ADCY8: variants seen among roughly 807,000 people sequenced by gnomAD.
ADCY8 encodes adenylate cyclase type 8.
ADCY8 carries 51 observed loss-of-function variants against 119.7 expected under a neutral mutation model. That is an observed-to-expected ratio of 0.43 (90% CI 0.34 to 0.54). The LOEUF is 0.54. Among genes scored for constraint, ADCY8 ranks in the 20% least tolerant of loss-of-function variants. The pLI is 0.03. For synonymous variants in ADCY8, 665 were observed against 651.0 expected (o/e 1.02, Z -0.33); for missense variants, 1,383 against 1,598.8 (o/e 0.87, Z 2.30).
chr8:130,894,254 A>G (rs1436540557), intron 7 of ADCY8, among the ~76,000 whole-genome samples: 1 of 152,170 alleles, frequency 6.6e-6, no homozygotes, highest in Non-Finnish European at 1.5e-5. Flanking sequence ...TTAGAGCTAC[A>G]TTGCTACCTC....
intron 15 of ADCY8, among the ~76,000 whole-genome samples, chr8:130,794,265 G>A (rs1055993664): frequency 6.6e-6 from 1 of 152,174 alleles, no homozygotes; most frequent in Non-Finnish European, 1.5e-5. Context: ...TTTGTTTTGA[G>A]ACAGAGTCTT....
intron 14 of ADCY8, among the ~76,000 whole-genome samples, chr8:130,808,665 G>T (rs1413690521): frequency 6.6e-6 from 1 of 152,192 alleles, no homozygotes; most frequent in African/African-American, 2.4e-5. Context: ...TAATGAAGCT[G>T]CCTGGCACCG....
chr8:130,965,028 T>A (rs1821721424), intron 2 of ADCY8, among the ~76,000 whole-genome samples: 1 of 152,202 alleles, frequency 6.6e-6, no homozygotes, highest in Non-Finnish European at 1.5e-5. Context: ...TTATTTGGTT[T>A]ATGCTTGTGG....
chr8:130,782,464 T>C (rs1313559297), intron 17 of ADCY8, among the ~76,000 whole-genome samples: 3 of 152,124 alleles, frequency 2.0e-5, no homozygotes, highest in Admixed American at 6.5e-5. Context: ...AAAACACAAA[T>C]TGAGATGCTT....
At chr8:130,794,103 G>T (rs540543575) in intron 15 of ADCY8, among the ~76,000 whole-genome samples, 5 of 152,166 alleles carry the variant, frequency 3.3e-5, no homozygotes, top group Non-Finnish European at 7.3e-5. Context: ...GCCACGGTCA[G>T]CCAGCCACCA....
At chr8:130,866,423 A>G (rs969633149) in intron 9 of ADCY8, among the ~76,000 whole-genome samples, 6 of 152,170 alleles carry the variant, frequency 3.9e-5, no homozygotes, top group Non-Finnish European at 5.9e-5. Context: ...AGTCTTTAAC[A>G]TAGTTATGAA....
At chr8:130,831,616 T>G (rs752814426) in intron 12 of ADCY8, among the ~76,000 whole-genome samples, 1 of 152,212 alleles carries the variant, frequency 6.6e-6, no homozygotes, top group Non-Finnish European at 1.5e-5. Flanking sequence ...CTATAAATGT[T>G]GACCTGTGTA....
chr8:130,870,106 T>TG (rs1176829744), intron 8 of ADCY8, among the ~76,000 whole-genome samples: 1 of 150,894 alleles, frequency 6.6e-6, no homozygotes, highest in African/African-American at 2.4e-5. Flanking sequence ...CTCTGTCTCC[T>TG]GGGTTCAAGT....
intron 2 of ADCY8, among the ~76,000 whole-genome samples, chr8:130,982,387 C>T (rs1431091476): frequency 3.3e-5 from 5 of 152,110 alleles, no homozygotes; most frequent in Admixed American, 6.6e-5. Flanking sequence ...ATAAGGGGGG[C>T]GGGGCATCTG....
intron 5 of ADCY8, among the ~76,000 whole-genome samples, chr8:130,913,790 T>C (rs1820049674): frequency 1.3e-5 from 2 of 152,232 alleles, no homozygotes; most frequent in African/African-American, 4.8e-5. Flanking sequence ...TGAGTCCCAA[T>C]TGATGTTTTC....
chr8:130,829,820 T>C (rs1337024398), intron 12 of ADCY8, among the ~76,000 whole-genome samples: 1 of 152,252 alleles, frequency 6.6e-6, no homozygotes, highest in Non-Finnish European at 1.5e-5. Context: ...AAAGGAATGT[T>C]ACTTCTATAT....
At chr8:130,868,123 G>C (rs1563701912) in intron 8 of ADCY8, among the ~76,000 whole-genome samples, 177 bp from the exon 9 acceptor site, 1 of 152,118 alleles carries the variant, frequency 6.6e-6, no homozygotes, top group Non-Finnish European at 1.5e-5. Flanking sequence ...TTTCCAGTGA[G>C]AGCCCAGGAG....
Position 130,787,787 on chromosome 8 carries a change from G to T in ADCY8, c.3061-2312C>A, listed in dbSNP as rs531787941. On this transcript the variant is annotated intron_variant, in intron 15 of 17. Transcript: ENST00000286355. ...TCCACATGTATGTGTGCCTGTGTGT[G>T]GGTGCACACACACATGTGTGTTGTT... Among the ~76,000 whole-genome samples the T allele has an allele frequency of 7.1e-3, 1,072 of 152,038 alleles. 12 individuals are homozygous for T. Among genetic ancestry groups the T allele is most frequent in the African/African-American group, 0.025 (1,019 of 41,398 alleles).
chr8:130,843,900 TG>T (rs1281985046), intron 11 of ADCY8, among the ~76,000 whole-genome samples: 1 of 152,102 alleles, frequency 6.6e-6, no homozygotes, highest in Non-Finnish European at 1.5e-5. Flanking sequence ...GTATGTGAGA[TG>T]GCAGGAAGGA....
chr8:130,946,728 C>A (rs1821116773), intron 3 of ADCY8, among the ~76,000 whole-genome samples: 1 of 152,210 alleles, frequency 6.6e-6, no homozygotes, highest in Non-Finnish European at 1.5e-5. Context: ...TTAGTCCAAT[C>A]AACAGAAACA....
At chr8:131,001,921 G>A (rs1275059015) in intron 1 of ADCY8, among the ~76,000 whole-genome samples, 3 of 152,178 alleles carry the variant, frequency 2.0e-5, no homozygotes, top group Non-Finnish European at 4.4e-5. Context: ...GGTGCTTAGG[G>A]ATCAGACAGA....
chr8:130,836,126 A>G (rs1816977845), intron 12 of ADCY8, 151 bp downstream of exon 12: 1 of 857,546 alleles, frequency 1.2e-6, no homozygotes, highest in Admixed American at 3.3e-5. Context: ...TTTTGCTTGG[A>G]CTTGTAAACT....
intron 5 of ADCY8, among the ~76,000 whole-genome samples, chr8:130,922,932 T>C (rs1349321551): frequency 2.0e-5 from 3 of 152,348 alleles, no homozygotes; most frequent in South Asian, 4.1e-4. Context: ...TTGGAAATTG[T>C]TCTTCACAGA....
intron 2 of ADCY8, among the ~76,000 whole-genome samples, chr8:130,980,135 T>C (rs1822195396): frequency 6.6e-6 from 1 of 152,136 alleles, no homozygotes; most frequent in African/African-American, 2.4e-5. Context: ...TCTGTCTTCA[T>C]GTGGTGCTCT....
Sources: gnomAD v4.1 joint callset for allele counts (sites outside exome capture counted in the v4.1 genomes callset) on GRCh38, gnomAD v4.1.1 for gene constraint, MANE v1.5 for transcripts, NCBI Gene and HGNC (gene_info 2026-07-23, HGNC 2026-07-21) for gene names.